The following HMGXB4 variants were observed in gnomAD, a reference collection of about 807,000 sequenced individuals.
HMGXB4 encodes the protein HMG-box containing 4.
Under a neutral mutation model 63.9 loss-of-function variants are expected in HMGXB4, and 27 were observed. The ratio of observed to expected loss-of-function variants is 0.42; its 90% CI spans 0.31 to 0.58. HMGXB4 has a LOEUF of 0.58. HMGXB4 is among the 20% of genes least tolerant of loss of function. The pLI, the probability that HMGXB4 is intolerant of heterozygous loss-of-function variation, is 0.13. For synonymous variants in HMGXB4, 264 were observed against 265.3 expected (o/e 0.99, Z 0.05); for missense variants, 624 against 700.7 (o/e 0.89, Z 1.24).
chr22:35,264,220 C>G (rs1923047346), intron 4 of HMGXB4: 1 of 515,608 alleles, frequency 1.9e-6, no homozygotes, highest in African/African-American at 1.9e-5. Flanking sequence ...AGTATATATC[C>G]ACTCACAGAA....
At chr22:35,262,906 G>T (rs1440776426) in intron 2 of HMGXB4, 172 bp from the exon 3 acceptor site, 3 of 642,050 alleles carry the variant, frequency 4.7e-6, no homozygotes, top group African/African-American at 3.7e-5. Context: ...TTGCAGCTAG[G>T]TCATCAAGAA....
At chr22:35,268,918 C>G (rs1288434876) in intron 5 of HMGXB4, among the ~76,000 whole-genome samples, 1 of 152,164 alleles carries the variant, frequency 6.6e-6, no homozygotes, top group Non-Finnish European at 1.5e-5. Context: ...TAATCAAATG[C>G]CACCTCTTCT....
chr22:35,243,264 G>A, the HMGXB4 span, among the ~76,000 whole-genome samples: 1 of 152,110 alleles, frequency 6.6e-6, no homozygotes, highest in East Asian at 1.9e-4. Flanking sequence ...CAACTACTTG[G>A]GAGGCTGAGG....
Position 35,265,279 on chromosome 22 carries a change from C to G in HMGXB4, c.891C>G (p.Ser297=). The change falls in exon 5 of 11, where the codon TCC becomes TCG. Residue 297 remains serine (S), a synonymous_variant. Coordinates refer to ENST00000216106, the MANE Select transcript of HMGXB4 (RefSeq NM_001003681.3). Reference sequence around the variant, plus strand: ...CTATTCTGGTAGAATCAGACTCATCCTCTGGTGGGGAACTAGAGGCTGGGG... The same window carrying G: ...CTATTCTGGTAGAATCAGACTCATCGTCTGGTGGGGAACTAGAGGCTGGGG... ...LEPILVESDS[S]SGGELEAGEL... 6.2e-7 allele frequency: 1 copy of G among 1,613,980 alleles called. No homozygotes were observed. The highest frequency in any genetic ancestry group is 8.5e-7 in the Non-Finnish European group (1 of 1,180,014).
upstream of HMGXB4, among the ~76,000 whole-genome samples, chr22:35,252,766 G>C (rs1922241284): frequency 6.6e-6 from 1 of 152,176 alleles, no homozygotes; most frequent in South Asian, 2.1e-4. Context: ...CACTTTGGGA[G>C]GCCAAGGCGG....
chr22:35,271,228 C>G (rs1923584745), intron 5 of HMGXB4, among the ~76,000 whole-genome samples: 1 of 149,956 alleles, frequency 6.7e-6, no homozygotes, highest in Non-Finnish European at 1.5e-5. Flanking sequence ...GACCCTGTCT[C>G]AAAAAAAATA....
upstream of HMGXB4, among the ~76,000 whole-genome samples, chr22:35,252,699 A>C (rs1307954683): frequency 6.6e-6 from 1 of 152,118 alleles, no homozygotes; most frequent in Non-Finnish European, 1.5e-5. Flanking sequence ...AGTGTGGGGG[A>C]CCCATTAGAG....
At chr22:35,275,501 C>T (rs1923858217) in intron 5 of HMGXB4, among the ~76,000 whole-genome samples, 4 of 152,128 alleles carry the variant, frequency 2.6e-5, no homozygotes, top group African/African-American at 9.7e-5. Flanking sequence ...GGGTCTTAAA[C>T]TAGAGTTATG....
At chr22:35,273,300 A>G (rs866171880) in intron 5 of HMGXB4, among the ~76,000 whole-genome samples, 7 of 152,158 alleles carry the variant, frequency 4.6e-5, no homozygotes, top group African/African-American at 7.2e-5. Flanking sequence ...TAATCTTTCC[A>G]CTATGCCACA....
intron 1 of HMGXB4, among the ~76,000 whole-genome samples, chr22:35,259,794 C>T (rs903383584): frequency 6.7e-6 from 1 of 149,440 alleles, no homozygotes; most frequent in Non-Finnish European, 1.5e-5. Flanking sequence ...GGCCTCATTC[C>T]TTCTTTTTTC....
intron 5 of HMGXB4, among the ~76,000 whole-genome samples, chr22:35,270,269 A>G (rs1314562292): frequency 6.6e-6 from 1 of 152,176 alleles, no homozygotes; most frequent in South Asian, 2.1e-4. Context: ...AGATTCTCAT[A>G]GGAGCACAAA....
chr22:35,244,886 A>T, the HMGXB4 span, among the ~76,000 whole-genome samples: 3 of 152,212 alleles, frequency 2.0e-5, no homozygotes, highest in Admixed American at 6.5e-5. Flanking sequence ...TTTCTATAAA[A>T]AGTATAAAAA....
chr22:35,263,209 T>G lies in HMGXB4; in HGVS notation c.163T>G (p.Ser55Ala). Residue 55 changes from serine (S) to alanine (A), a missense_variant, in exon 3 of 11, where the codon TCC becomes GCC. This residue lies in a region of HMGXB4 where 472 missense variants were observed against 470.6 expected (regional missense o/e 1.00). Coordinates refer to ENST00000216106, the MANE Select transcript of HMGXB4 (RefSeq NM_001003681.3). ...EEIAAQVRNS[S>A]KKKLKDSELY... ...AATTGCTGCTCAGGTCAGGAATTCT[T>G]CCAAGAAGAAGTTGAAGGTAAGTCC... is the stretch of plus-strand genomic sequence containing the variant. The G allele has an allele frequency of 1.2e-6, 2 of 1,612,294 alleles. No individual in the cohort carries two copies.
At chr22:35,280,691 TA>T (rs970833246) in intron 5 of HMGXB4, among the ~76,000 whole-genome samples, 10 of 152,216 alleles carry the variant, frequency 6.6e-5, no homozygotes, top group African/African-American at 1.7e-4. Context: ...CCATGCACTT[TA>T]ATATGGGTTA....
chr22:35,264,585 A>G, intron 4 of HMGXB4, 63 bp from the exon 5 acceptor site: 1 of 1,175,882 alleles, frequency 8.5e-7, no homozygotes, highest in Non-Finnish European at 1.2e-6. Context: ...TTTTGATGAG[A>G]GAGGAAACTT....
At chr22:35,265,980 G>A (rs996811016) in intron 5 of HMGXB4, among the ~76,000 whole-genome samples, 3 of 149,310 alleles carry the variant, frequency 2.0e-5, no homozygotes, top group African/African-American at 7.4e-5. Context: ...ATAGAGACGA[G>A]GTTTCACCAT....
At chr22:35,242,530 G>GCTCTCTCT in the HMGXB4 span, among the ~76,000 whole-genome samples, 82 of 146,066 alleles carry the variant, frequency 5.6e-4, no homozygotes, top group East Asian at 2.6e-3. Context: ...ATAGTAATCT[G>GCTCTCTCT]CTCTCTCTCT....
At chr22:35,262,825 C>T in intron 2 of HMGXB4, 1 of 541,746 alleles carries the variant, frequency 1.8e-6, no homozygotes, top group East Asian at 3.3e-5. Flanking sequence ...ACTCAGAAAC[C>T]ATATCTGAGG....
chr22:35,264,306 G>A (rs557130588), intron 4 of HMGXB4, among the ~76,000 whole-genome samples: 4 of 152,320 alleles, frequency 2.6e-5, no homozygotes, highest in African/African-American at 9.6e-5. Context: ...CCTGAACACA[G>A]AAACAAATGA....
Sources: gnomAD v4.1 joint callset for allele counts (sites outside exome capture counted in the v4.1 genomes callset) on GRCh38, gnomAD v4.1.1 for gene constraint, gnomAD v4.1.1 regional missense constraint, MANE v1.5 for transcripts, NCBI Gene and HGNC (gene_info 2026-07-23, HGNC 2026-07-21) for gene names.